The following KRABD4 variants were observed in gnomAD, a reference collection of about 807,000 sequenced individuals.
The protein encoded by KRABD4 is KRAB domain containing 4, also known as KRAB domain-containing protein 4.
chrX:46,464,042 C>T, the KRABD4 span, among the ~76,000 whole-genome samples: 1 of 54,439 alleles, frequency 1.8e-5, no homozygotes, highest in Non-Finnish European at 3.2e-5. Context: ...TTGTTATTAT[C>T]TCTTTACTTT....
At chrX:46,472,209 A>G in the KRABD4 span, 1 of 113,495 alleles carries the variant, frequency 8.8e-6, no homozygotes, top group East Asian at 2.8e-4. Flanking sequence ...GCACTCCTAC[A>G]TGTGGTACAG....
At chrX:46,466,416 C>T in the KRABD4 span, among the ~76,000 whole-genome samples, 5 of 111,783 alleles carry the variant, frequency 4.5e-5, no homozygotes, top group East Asian at 1.4e-3. Flanking sequence ...AGGCCTACCC[C>T]AGGCTTTGCT....
chrX:46,456,610 TC>T, the KRABD4 span: 1 of 284,677 alleles, frequency 3.5e-6, no homozygotes, highest in Non-Finnish European at 6.8e-6. Context: ...ACAAATAGAA[TC>T]ACTCCCCATA....
the KRABD4 span, among the ~76,000 whole-genome samples, chrX:46,465,848 A>G: frequency 1.8e-5 from 2 of 111,966 alleles, no homozygotes; most frequent in Non-Finnish European, 3.8e-5. Flanking sequence ...GGCAATGAGC[A>G]TGCGAGCAGG....
the KRABD4 span, chrX:46,455,455 A>T: frequency 4.6e-6 from 2 of 431,455 alleles, no homozygotes; most frequent in Non-Finnish European, 8.4e-6. Context: ...TTCACACACT[A>T]CCTCAGGCTT....
the KRABD4 span, among the ~76,000 whole-genome samples, chrX:46,454,618 A>G: frequency 9.0e-6 from 1 of 110,811 alleles, no homozygotes; most frequent in Non-Finnish European, 1.9e-5. Flanking sequence ...CCTGACCAAC[A>G]TGGTGAAACC....
At chrX:46,472,608 G>A in the KRABD4 span, 127 of 591,086 alleles carry the variant, frequency 2.1e-4, no homozygotes, top group African/African-American at 2.7e-3. Context: ...TGGTGGTGGT[G>A]GGACATGGGG....
the KRABD4 span, chrX:46,462,408 G>T: frequency 4.4e-6 from 1 of 227,956 alleles, no homozygotes; most frequent in Non-Finnish European, 8.1e-6. Flanking sequence ...TACTCGGGAG[G>T]CTGAGGCAGG....
chrX:46,466,648 C>A, the KRABD4 span, among the ~76,000 whole-genome samples: 2 of 112,525 alleles, frequency 1.8e-5, no homozygotes, highest in Non-Finnish European at 3.8e-5. Context: ...ACCATATGAT[C>A]TTTGGCCATA....
At chrX:46,453,587 C>T in the KRABD4 span, among the ~76,000 whole-genome samples, 1 of 111,416 alleles carries the variant, frequency 9.0e-6, no homozygotes, top group Non-Finnish European at 1.9e-5. Context: ...TTCTTAGTTC[C>T]AAGCCCCAGC....
the KRABD4 span, chrX:46,448,320 C>G: frequency 3.5e-4 from 39 of 112,313 alleles, no homozygotes; most frequent in Admixed American, 3.5e-3. Context: ...GGTGAGTTCC[C>G]TGGGTCACAG....
chrX:46,451,213 C>T, the KRABD4 span, among the ~76,000 whole-genome samples: 8 of 112,092 alleles, frequency 7.1e-5, no homozygotes, highest in Non-Finnish European at 1.3e-4. Context: ...ATTCCTTCTC[C>T]CCCAAGTACC....
At chrX:46,450,616 C>G in the KRABD4 span, 9 of 478,966 alleles carry the variant, frequency 1.9e-5, no homozygotes, top group East Asian at 3.1e-4. Context: ...TCTGGTTTCT[C>G]TGATCCTCCC....
At chrX:46,472,985 A>G in the KRABD4 span, 1 of 1,211,312 alleles carries the variant, frequency 8.3e-7, no homozygotes, top group East Asian at 3.0e-5. Flanking sequence ...CTTGGTCAAA[A>G]TGGAAGCTAT....
the KRABD4 span, chrX:46,450,601 C>A: frequency 1.7e-6 from 1 of 574,912 alleles, no homozygotes; most frequent in Non-Finnish European, 2.8e-6. Context: ...AACTTGTTCT[C>A]AACCTCTGGT....
chrX:46,451,249 G>C, the KRABD4 span, among the ~76,000 whole-genome samples: 244 of 112,183 alleles, frequency 2.2e-3, no homozygotes, highest in Middle Eastern at 4.6e-3. Flanking sequence ...GATGCCCACT[G>C]TTAACAGTTG....
chrX:46,472,578 G>A, the KRABD4 span: 5 of 465,123 alleles, frequency 1.1e-5, no homozygotes, highest in Non-Finnish European at 1.8e-5. Context: ...GCATTTCTCT[G>A]TACTTGCACT....
the KRABD4 span, among the ~76,000 whole-genome samples, chrX:46,466,458 C>T: frequency 8.9e-6 from 1 of 112,157 alleles, no homozygotes; most frequent in African/African-American, 3.2e-5. Context: ...GCCAATTCCT[C>T]TGTCCTTCCA....
the KRABD4 span, among the ~76,000 whole-genome samples, chrX:46,453,436 T>A: frequency 5.8e-5 from 4 of 69,499 alleles, no homozygotes; most frequent in Non-Finnish European, 1.1e-4. Flanking sequence ...ATAACTTTGC[T>A]TAGTGCAAGA....
Sources: gnomAD v4.1 joint callset for allele counts (sites outside exome capture counted in the v4.1 genomes callset) on GRCh38, gnomAD v4.1.1 for gene constraint, MANE v1.5 for transcripts, NCBI Gene and HGNC (gene_info 2026-07-23, HGNC 2026-07-21) for gene names.